ITGB8: variants seen among roughly 807,000 people sequenced by gnomAD.
ITGB8 encodes the protein integrin subunit beta 8, also known as integrin beta-8.
Under a neutral mutation model 89.5 loss-of-function variants are expected in ITGB8, and 30 were observed. The observed-to-expected ratio is 0.34, with a 90% CI of 0.25 to 0.45. The LOEUF (loss-of-function observed/expected upper bound fraction) is 0.45. ITGB8 is among the 20% of genes least tolerant of loss of function. The pLI, the probability that ITGB8 is intolerant of heterozygous loss-of-function variation, is 1.00. For missense variants in ITGB8, 836 were observed against 933.3 expected (o/e 0.90, Z 1.36); for synonymous variants, 335 against 320.4 (o/e 1.05, Z -0.49).
chr7:20,368,014 GGTCCT>G (rs369463666), intron 3 of ITGB8, among the ~76,000 whole-genome samples: 1 of 152,108 alleles, frequency 6.6e-6, no homozygotes, highest in African/African-American at 2.4e-5. Context: ...CATTGTGGGT[GGTCCT>G]GTCCTGTCAT....
In ITGB8 at chr7:20,415,705, G is replaced by A. The variant is rs2127991715; in HGVS notation, c.*5708G>A. 1.3e-5 allele frequency: 2 copies of A among 152,574 alleles called. No individual in the cohort carries two copies. The highest frequency in any genetic ancestry group is 6.8e-3 in the Middle Eastern group (2 of 294). The allele number at this position is 152,574 out of a possible 1,614,324, so 9.5% of individuals were successfully genotyped here. Reference sequence around the variant, plus strand: ...TGCATCATTCTGTTTAGTAGTAGGTGTTAATCAATATGAAATTCTCTGTTT... The same window carrying A: ...TGCATCATTCTGTTTAGTAGTAGGTATTAATCAATATGAAATTCTCTGTTT... On this transcript the variant is annotated 3_prime_UTR_variant, in exon 14 of 14. Coordinates refer to ENST00000222573, the MANE Select transcript of ITGB8 (RefSeq NM_002214.3).
chr7:20,379,220 T>C lies in ITGB8; in HGVS notation c.558T>C (p.Leu186=). Reference sequence around the variant, plus strand: ...CATTTTTCTCCCGTGACTTTCGTCTTGGATTTGGCTCATACGTTGATAAAA... The same window carrying C: ...CATTTTTCTCCCGTGACTTTCGTCTCGGATTTGGCTCATACGTTGATAAAA... The part of the protein sequence containing the change: ...KMAFFSRDFR[L]GFGSYVDKTV... Residue 186 remains leucine (L), a synonymous_variant, in exon 4 of 14, where the codon CTT becomes CTC. Coordinates refer to ENST00000222573, the MANE Select transcript of ITGB8 (RefSeq NM_002214.3). 1 of 1,612,010 alleles carries C rather than the reference T, an allele frequency of 6.2e-7. No homozygotes were observed. Among genetic ancestry groups the C allele is most frequent in the Non-Finnish European group, 8.5e-7 (1 of 1,178,680 alleles).
At chr7:20,341,504 G>C (rs769090732) in intron 1 of ITGB8, among the ~76,000 whole-genome samples, 1 of 152,110 alleles carries the variant, frequency 6.6e-6, no homozygotes, top group Non-Finnish European at 1.5e-5. Context: ...GAACTAAATG[G>C]CATTACTACC....
chr7:20,401,708 C>T lies in ITGB8; in HGVS notation c.1282-13C>T, dbSNP rs1189010207. The stretch of plus-strand genomic sequence containing the variant: ...GGTATATAAATATATTTCCTTTTTC[C>T]TCCTAAATTTAGGTTCTTTTCAATG... On this transcript the variant is annotated splice_polypyrimidine_tract_variant and intron_variant, in intron 9 of 13. Transcript: ENST00000222573. 6.8e-7 allele frequency: 1 copy of T among 1,479,444 alleles called. No homozygotes were observed. Among genetic ancestry groups the T allele is most frequent in the Non-Finnish European group, 9.0e-7 (1 of 1,107,804 alleles). The allele number at this position is 1,479,444 out of a possible 1,614,324, so 91.6% of individuals were successfully genotyped here. A position where few individuals can be genotyped will look rare whatever the true frequency, so the allele number is the denominator to read the frequency against.
rs1784386901 is a variant in ITGB8 at position 20,331,414 on chromosome 7, G to C, written c.-393G>C. The C allele has an allele frequency of 5.0e-6, 2 of 401,216 alleles. No homozygotes were observed. The highest frequency in any genetic ancestry group is 8.7e-6 in the Non-Finnish European group (2 of 228,878). 24.9% of individuals were successfully genotyped at this position (401,216 alleles called of 1,614,324 possible). The stretch of plus-strand genomic sequence containing the variant: ...GCTTTGTTTGGGTTTGATTGTGTTT[G>C]GCTCTTCGCTAAGCTGATTTATGCA... On this transcript the variant is annotated 5_prime_UTR_variant, in exon 1 of 14. Coordinates refer to ENST00000222573, the MANE Select transcript of ITGB8 (RefSeq NM_002214.3).
At chr7:20,347,819 G>A in intron 1 of ITGB8, among the ~76,000 whole-genome samples, 1 of 152,174 alleles carries the variant, frequency 6.6e-6, no homozygotes, top group East Asian at 1.9e-4. Context: ...TTAGTTCATA[G>A]TCATCAAGCT....
Position 20,404,911 on chromosome 7 carries a change from T to C in ITGB8, c.1913+58T>C. 4 of 1,439,998 alleles carry C rather than the reference T, an allele frequency of 2.8e-6. No homozygotes were observed. The South Asian group carries it at 4.6e-5, about 17-fold the overall frequency. The allele number at this position is 1,439,998 out of a possible 1,614,324, so 89.2% of individuals were successfully genotyped here. A position where few individuals can be genotyped will look rare whatever the true frequency, so the allele number is the denominator to read the frequency against. ...GAATAGCTACTTTTGTCCTTTTTCGTTCTGACTTCCTTAATCTTAAACGTT... is the reference window on the plus strand; with the variant it reads ...GAATAGCTACTTTTGTCCTTTTTCGCTCTGACTTCCTTAATCTTAAACGTT... On this transcript the variant is annotated intron_variant, in intron 11 of 13. Transcript: ENST00000222573.
chr7:20,331,562 C>A lies in ITGB8; in HGVS notation c.-245C>A, dbSNP rs916723843. 2 of 453,312 alleles carry A rather than the reference C, an allele frequency of 4.4e-6. No individual in the cohort carries two copies. Among genetic ancestry groups the A allele is most frequent in the Non-Finnish European group, 3.8e-6 (1 of 263,950 alleles). 28.1% of individuals were successfully genotyped at this position (453,312 alleles called of 1,614,324 possible). ...GGGCCCTTGGCCGTCGAAGGAGGTG[C>A]TTCTCGCGGAGACCGCGGGACCCGC... is the stretch of plus-strand genomic sequence containing the variant. On this transcript the variant is annotated 5_prime_UTR_variant, in exon 1 of 14. Transcript: ENST00000222573.
rs765464233 is a variant in ITGB8, at chr7:20,414,620, A to G, written c.*4623A>G. The G allele has an allele frequency of 6.6e-6, 1 of 152,500 alleles. No individual in the cohort carries two copies. Among genetic ancestry groups the G allele is most frequent in the African/African-American group, 2.4e-5 (1 of 41,442 alleles). 9.4% of individuals were successfully genotyped at this position (152,500 alleles called of 1,614,324 possible). The stretch of plus-strand genomic sequence containing the variant: ...GTGCTGTGAAAAACAACTTTCTTCT[A>G]GAGTCCTCTTACTTTTTATTCTTCT... On this transcript the variant is annotated 3_prime_UTR_variant, in exon 14 of 14. Coordinates refer to ENST00000222573, the MANE Select transcript of ITGB8 (RefSeq NM_002214.3).
intron 3 of ITGB8, among the ~76,000 whole-genome samples, chr7:20,370,634 G>T (rs973127310): frequency 9.6e-6 from 1 of 103,902 alleles, no homozygotes; most frequent in Non-Finnish European, 2.1e-5. Context: ...ATTTTGAGAC[G>T]GAGTCTCCCT....
At chr7:20,354,478 G>A (rs1345847726) in intron 1 of ITGB8, among the ~76,000 whole-genome samples, 1 of 152,156 alleles carries the variant, frequency 6.6e-6, no homozygotes, top group Non-Finnish European at 1.5e-5. Flanking sequence ...AAGTAAGAGG[G>A]TCTTTGAAAA....
intron 1 of ITGB8, among the ~76,000 whole-genome samples, chr7:20,360,573 C>G (rs1483102984): frequency 2.6e-5 from 4 of 152,080 alleles, no homozygotes; most frequent in Non-Finnish European, 4.4e-5. Context: ...TAGCTTAGCT[C>G]TCACTTGTAA....
chr7:20,404,560 C>T (rs1787455481), intron 10 of ITGB8, 68 bp from the exon 11 acceptor site: 2 of 1,329,672 alleles, frequency 1.5e-6, no homozygotes, highest in South Asian at 2.5e-5. Context: ...TACAGGAATC[C>T]ATGGTTGAAA....
chr7:20,363,677 C>G lies in ITGB8; in HGVS notation c.168C>G (p.Ala56=). Residue 56 remains alanine, a synonymous_variant, in exon 2 of 14, where the codon GCC becomes GCG. Transcript: ENST00000222573. ...RCASSNAASC[A]RCLALGPECG... ...CATCTTCAAATGCAGCATCCTGTGC[C>G]AGGTGCCTTGCGCTGGGTCCAGAAT... The G allele has an allele frequency of 1.2e-6, 2 of 1,605,200 alleles. No individual in the cohort carries two copies. The highest frequency in any genetic ancestry group is 1.7e-6 in the Non-Finnish European group (2 of 1,177,354).
chr7:20,410,708 T>C lies in ITGB8; in HGVS notation c.*711T>C, dbSNP rs1443991788. ...TTTATGTATGTCACAGATGACTGGATTAATTAAGTGCTAAGTTACTACTGC... is the reference window on the plus strand; with the variant it reads ...TTTATGTATGTCACAGATGACTGGACTAATTAAGTGCTAAGTTACTACTGC... On this transcript the variant is annotated 3_prime_UTR_variant, in exon 14 of 14. Transcript: ENST00000222573. 2.0e-5 allele frequency: 3 copies of C among 152,588 alleles called. No individual in the cohort carries two copies. The highest frequency in any genetic ancestry group is 6.5e-5 in the Admixed American group (1 of 15,280). 9.5% of individuals were successfully genotyped at this position (152,588 alleles called of 1,614,324 possible).
intron 5 of ITGB8, 38 bp downstream of exon 5, chr7:20,380,869 C>T (rs200330601): frequency 2.6e-6 from 4 of 1,538,070 alleles, no homozygotes; most frequent in African/African-American, 1.4e-5. Context: ...TGCTAAGATG[C>T]CAAACTTTCA....
At chr7:20,385,177 C>T (rs1786557091) in intron 6 of ITGB8, among the ~76,000 whole-genome samples, 1 of 152,180 alleles carries the variant, frequency 6.6e-6, no homozygotes, top group Admixed American at 6.5e-5. Context: ...CCAAGAATAG[C>T]ATGAAGGTCT....
chr7:20,339,748 C>G (rs1784691275), intron 1 of ITGB8, among the ~76,000 whole-genome samples: 1 of 152,142 alleles, frequency 6.6e-6, no homozygotes, highest in Admixed American at 6.5e-5. Context: ...TCATTTTAGG[C>G]CAGGCGCGGT....
At chr7:20,359,585 C>A (rs1290558978) in intron 1 of ITGB8, among the ~76,000 whole-genome samples, 2 of 152,018 alleles carry the variant, frequency 1.3e-5, no homozygotes, top group Non-Finnish European at 2.9e-5. Context: ...AAACAGCAGT[C>A]ATGCTTTGTT....
Sources: gnomAD v4.1 joint callset for allele counts (sites outside exome capture counted in the v4.1 genomes callset) on GRCh38, gnomAD v4.1.1 for gene constraint, MANE v1.5 for transcripts, NCBI Gene and HGNC (gene_info 2026-07-23, HGNC 2026-07-21) for gene names.